Variants in FSTL5 observed in about 807,000 individuals in gnomAD.
FSTL5 encodes follistatin like 5.
A neutral mutation model predicts 89.1 loss-of-function variants in FSTL5; 62 were observed. That is an observed-to-expected ratio of 0.70 (90% confidence interval 0.57 to 0.86). The LOEUF (loss-of-function observed/expected upper bound fraction) is 0.86, where lower values mean the gene tolerates loss of function less well. Ranked by LOEUF, FSTL5 falls within the 40% of genes least tolerant of loss-of-function variation. The pLI is 0.00. For synonymous variants in FSTL5, 383 were observed against 346.2 expected, an observed-to-expected ratio of 1.11 and a Z score of -1.18; for missense variants, 1,057 against 1,001.6, an observed-to-expected ratio of 1.06 and a Z score of -0.75.
At chr4:161,801,430 T>C (rs1023491572) in intron 4 of FSTL5, among the ~76,000 whole-genome samples, 5 of 151,470 alleles carry the variant, frequency 3.3e-5, no homozygotes, top group Non-Finnish European at 7.4e-5. Context: ...GGTCTGGGAT[T>C]TTCTTTAAAG....
chr4:161,665,537 G>A (rs1010200682), intron 6 of FSTL5, among the ~76,000 whole-genome samples: 15 of 152,188 alleles, frequency 9.9e-5, no homozygotes, highest in Middle Eastern at 3.4e-3. Context: ...CCGGCCCAGA[G>A]AGAAATCTTA....
intron 4 of FSTL5, among the ~76,000 whole-genome samples, chr4:161,818,781 A>G (rs1393253352): frequency 6.6e-6 from 1 of 152,108 alleles, no homozygotes; most frequent in Non-Finnish European, 1.5e-5. Flanking sequence ...ACTGAAAAAA[A>G]CCTCTTCTCA....
intron 4 of FSTL5, 39 bp downstream of exon 4, chr4:161,920,365 A>G (rs529867971): frequency 6.3e-7 from 1 of 1,590,522 alleles, no homozygotes; most frequent in East Asian, 2.2e-5. Flanking sequence ...AAGAAAAGAA[A>G]TAGAGTGGGG....
intron 10 of FSTL5, among the ~76,000 whole-genome samples, chr4:161,513,841 G>A (rs1402405532): frequency 6.6e-6 from 1 of 152,062 alleles, no homozygotes; most frequent in Non-Finnish European, 1.5e-5. Context: ...GGAGTGTGGT[G>A]GATAGGAGGA....
At position 161,705,047 on chromosome 4, in the gene FSTL5, T is replaced by G. The variant is rs1738523299; in HGVS notation, c.728-48553A>C. On this transcript the variant is annotated intron_variant, in intron 6 of 15. Coordinates refer to ENST00000306100, the MANE Select transcript of FSTL5 (RefSeq NM_020116.5). ...ATCTGTATTCTTTAATAGCATCATA[T>G]TTATGTCTCTATTTATAATAATTAA... is the stretch of plus-strand genomic sequence containing the variant. 2.0e-5 allele frequency among the ~76,000 whole-genome samples: 3 copies of G among 152,102 alleles called. No individual in the cohort carries two copies. The South Asian group carries it at 6.2e-4, about 31-fold the overall frequency.
At chr4:161,410,655 GA>G (rs996813503) in intron 15 of FSTL5, among the ~76,000 whole-genome samples, 5 of 151,958 alleles carry the variant, frequency 3.3e-5, no homozygotes, top group African/African-American at 1.2e-4. Flanking sequence ...TAGACAGAAT[GA>G]AAAAAATTTT....
At chr4:161,387,735 C>A (rs1730696733) in intron 15 of FSTL5, 1 of 151,944 alleles carries the variant, frequency 6.6e-6, no homozygotes. Flanking sequence ...AGTGCCTACA[C>A]ACAGATGTTT....
intron 7 of FSTL5, among the ~76,000 whole-genome samples, chr4:161,591,273 T>C (rs183148347): frequency 4.3e-4 from 65 of 152,248 alleles, no homozygotes; most frequent in African/African-American, 1.5e-3. Flanking sequence ...TCCATAGACA[T>C]AGAAGACGGA....
At chr4:161,482,403 T>TC (rs1729543744) in intron 12 of FSTL5, among the ~76,000 whole-genome samples, 1 of 152,168 alleles carries the variant, frequency 6.6e-6, no homozygotes, top group African/African-American at 2.4e-5. Flanking sequence ...ATTTGATTTT[T>TC]TGTCTGACAA....
At chr4:162,043,989 AT>A (rs1738076024) in intron 2 of FSTL5, among the ~76,000 whole-genome samples, 1 of 152,140 alleles carries the variant, frequency 6.6e-6, no homozygotes, top group Non-Finnish European at 1.5e-5. Flanking sequence ...ATGGGAAGTA[AT>A]CTATGATGCT....
At chr4:161,819,524 A>C (rs760132073) in intron 4 of FSTL5, among the ~76,000 whole-genome samples, 6 of 152,074 alleles carry the variant, frequency 3.9e-5, no homozygotes, top group Non-Finnish European at 7.4e-5. Context: ...AACATTACCA[A>C]AATGCAGGGT....
At chr4:161,672,607 G>T (rs4346605) in intron 6 of FSTL5, among the ~76,000 whole-genome samples, 36,742 of 150,024 alleles carry the variant, frequency 0.24, 5,433 homozygotes, top group Non-Finnish European at 0.31. Context: ...GAGATATATA[G>T]AATTGAAGAA....
At chr4:161,796,826 C>A (rs1044135671) in intron 4 of FSTL5, among the ~76,000 whole-genome samples, 4 of 151,468 alleles carry the variant, frequency 2.6e-5, no homozygotes, top group African/African-American at 9.7e-5. Flanking sequence ...CCAAGTATTT[C>A]ATGAAATTAT....
intron 8 of FSTL5, among the ~76,000 whole-genome samples, chr4:161,554,243 A>T (rs903295035): frequency 2.6e-5 from 4 of 151,486 alleles, no homozygotes; most frequent in African/African-American, 9.7e-5. Context: ...TAGGAAAAAA[A>T]AAGGAAGGGT....
intron 8 of FSTL5, among the ~76,000 whole-genome samples, chr4:161,570,948 T>C (rs1035603000): frequency 5.3e-5 from 8 of 152,010 alleles, no homozygotes; most frequent in African/African-American, 1.4e-4. Flanking sequence ...ACCCCGTCTC[T>C]ACTAAAAATA....
intron 8 of FSTL5, among the ~76,000 whole-genome samples, chr4:161,584,257 C>T (rs1733532335): frequency 6.6e-6 from 1 of 152,176 alleles, no homozygotes; most frequent in Non-Finnish European, 1.5e-5. Context: ...CCTGAAGAAA[C>T]TTTACGTAAT....
At chr4:162,107,163 G>T (rs898183173) in intron 2 of FSTL5, among the ~76,000 whole-genome samples, 1 of 152,134 alleles carries the variant, frequency 6.6e-6, no homozygotes, top group Non-Finnish European at 1.5e-5. Flanking sequence ...TACTACAAAA[G>T]TACTCATTCT....
At chr4:161,871,785 CTCCTGCATCT>C (rs1732270061) in intron 4 of FSTL5, among the ~76,000 whole-genome samples, 1 of 152,016 alleles carries the variant, frequency 6.6e-6, no homozygotes, top group Non-Finnish European at 1.5e-5. Context: ...TGAATCATAG[CTCCTGCATCT>C]ATTAACTGTG....
chr4:161,566,135 T>TATAC (rs1267325201), intron 8 of FSTL5, among the ~76,000 whole-genome samples: 417 of 54,986 alleles, frequency 7.6e-3, no homozygotes, highest in Middle Eastern at 0.017. Context: ...TATATATATA[T>TATAC]ACACACACAC....
Sources: gnomAD v4.1 joint callset for allele counts (sites outside exome capture counted in the v4.1 genomes callset) on GRCh38, gnomAD v4.1.1 for gene constraint, MANE v1.5 for transcripts, NCBI Gene and HGNC (gene_info 2026-07-23, HGNC 2026-07-21) for gene names.